The following PRDM1 variants were observed in gnomAD, a reference collection of about 807,000 sequenced individuals.
The protein encoded by PRDM1 is PR domain zinc finger protein 1.
Under a neutral mutation model 62.8 loss-of-function variants are expected in PRDM1, and 13 were observed. That is an observed-to-expected ratio of 0.21 (90% CI 0.13 to 0.33). The LOEUF is 0.33. PRDM1 is among the 10% of genes least tolerant of loss of function. PRDM1 has a pLI of 1.00. For synonymous variants in PRDM1, 396 were observed against 417.6 expected (o/e 0.95, Z 0.63); for missense variants, 895 against 1,058.8 (o/e 0.85, Z 2.15).
At chr6:106,092,446 C>T (rs1308692419) in intron 2 of PRDM1, among the ~76,000 whole-genome samples, 10 of 152,220 alleles carry the variant, frequency 6.6e-5, no homozygotes, top group South Asian at 6.2e-4. Context: ...AGGCACAGAG[C>T]GGCCTGTCCC....
In PRDM1 at chr6:106,086,445, G is replaced by A. The variant is rs1773807513; in HGVS notation, c.-109G>A. On this transcript the variant is annotated 5_prime_UTR_variant, in exon 1 of 7. Coordinates refer to ENST00000369096, the MANE Select transcript of PRDM1 (RefSeq NM_001198.4). ...GAGCTGGGACGCGGGCGCCCGGGCGGCCGGACGAAGCGAGGAGGGACCGCC... is the reference window on the plus strand; with the variant it reads ...GAGCTGGGACGCGGGCGCCCGGGCGACCGGACGAAGCGAGGAGGGACCGCC... 2.1e-5 allele frequency: 23 copies of A among 1,121,906 alleles called. 2 individuals are homozygous for A. In the South Asian group the frequency reaches 3.2e-4, roughly 16 times the overall value. 69.5% of individuals were successfully genotyped at this position (1,121,906 alleles called of 1,614,324 possible).
At position 106,105,826 on chromosome 6, in the gene PRDM1, A is replaced by C. The variant is rs781350114; in HGVS notation, c.1666A>C (p.Met556Leu). The change falls in exon 5 of 7, where the codon ATG becomes CTG. Residue 556 changes from methionine to leucine, a missense_variant. Met to Leu is a conservative substitution (Grantham distance 15, BLOSUM62 2). Coordinates refer to ENST00000369096, the MANE Select transcript of PRDM1 (RefSeq NM_001198.4). Reference protein sequence around the residue: ...AMNLIKNKRNMTGYKTLPYPL... With the variant: ...AMNLIKNKRNLTGYKTLPYPL... ...GAATCTCATTAAAAACAAAAGAAAC[A>C]TGACCGGCTACAAGACCCTTCCCTA... 6.2e-7 allele frequency: 1 copy of C among 1,614,146 alleles called. No homozygotes were observed. Among genetic ancestry groups the C allele is most frequent in the Non-Finnish European group, 8.5e-7 (1 of 1,180,026 alleles).
intron 1 of PRDM1, among the ~76,000 whole-genome samples, chr6:106,057,700 CAG>C (rs766479730): frequency 2.2e-4 from 33 of 152,100 alleles, no homozygotes; most frequent in Admixed American, 5.9e-4. Context: ...TTTGGAGTGA[CAG>C]AGGATTCCTA....
chr6:106,090,559 T>C (rs908170623), intron 2 of PRDM1, among the ~76,000 whole-genome samples: 3 of 152,230 alleles, frequency 2.0e-5, no homozygotes, highest in Non-Finnish European at 4.4e-5. Context: ...GACAGCTTCC[T>C]TTAGAAGGTG....
intron 1 of PRDM1, among the ~76,000 whole-genome samples, chr6:106,064,963 G>A (rs534805638): frequency 6.6e-6 from 1 of 152,274 alleles, no homozygotes; most frequent in Admixed American, 6.5e-5. Context: ...CTGGTCTTCA[G>A]TAGGACCTCT....
chr6:106,084,381 G>C (rs760413782), upstream of PRDM1, among the ~76,000 whole-genome samples: 1 of 152,186 alleles, frequency 6.6e-6, no homozygotes, highest in African/African-American at 2.4e-5. Context: ...CTGAAGGTGA[G>C]TGCAGGCTGA....
chr6:106,099,219 A>AC, intron 3 of PRDM1, 81 bp from the exon 4 acceptor site: 1 of 1,603,084 alleles, frequency 6.2e-7, no homozygotes, highest in East Asian at 2.2e-5. Context: ...CACACACGGT[A>AC]CCGGCTGTGT....
At chr6:106,003,839 C>A (rs1317477731) in intron 1 of PRDM1, among the ~76,000 whole-genome samples, 2 of 152,160 alleles carry the variant, frequency 1.3e-5, no homozygotes, top group Non-Finnish European at 2.9e-5. Flanking sequence ...GTACTCGGTT[C>A]TCAAGGCAGA....
chr6:106,012,763 C>T (rs980830825), intron 1 of PRDM1, among the ~76,000 whole-genome samples: 2 of 152,180 alleles, frequency 1.3e-5, no homozygotes, highest in Admixed American at 6.5e-5. Context: ...CTCTGAAGAG[C>T]GGAACCTGAG....
intron 1 of PRDM1, among the ~76,000 whole-genome samples, chr6:105,999,457 A>G (rs1008802508): frequency 6.6e-6 from 1 of 151,850 alleles, no homozygotes; most frequent in Admixed American, 6.6e-5. Flanking sequence ...CAAAAGTGAC[A>G]TGTTTTTTGC....
chr6:106,081,270 C>T (rs796773943), intron 1 of PRDM1, among the ~76,000 whole-genome samples: 20 of 152,282 alleles, frequency 1.3e-4, no homozygotes, highest in African/African-American at 4.6e-4. Flanking sequence ...CTCCAATAAG[C>T]GCAGCCCCCT....
intron 3 of PRDM1, chr6:106,095,962 A>AT (rs1389966878): frequency 2.2e-6 from 1 of 449,146 alleles, no homozygotes; most frequent in African/African-American, 1.9e-5. Flanking sequence ...GTGAATCTTG[A>AT]TTTTTGCAAT....
chr6:106,045,473 C>T (rs1773059939), upstream of PRDM1: 1 of 152,140 alleles, frequency 6.6e-6, no homozygotes, highest in Admixed American at 6.6e-5. Context: ...TTCAAAACAG[C>T]ATATTTTAAA....
chr6:106,000,995 C>T (rs984528985), intron 1 of PRDM1, among the ~76,000 whole-genome samples: 7 of 152,172 alleles, frequency 4.6e-5, no homozygotes, highest in African/African-American at 1.4e-4. Context: ...TACACCGATA[C>T]TATTATAGCT....
At chr6:106,021,410 T>C (rs1190447201) in intron 1 of PRDM1, among the ~76,000 whole-genome samples, 1 of 152,170 alleles carries the variant, frequency 6.6e-6, no homozygotes, top group African/African-American at 2.4e-5. Context: ...CTCCCTTTCA[T>C]TGAAATTTGC....
At chr6:106,071,595 C>T (rs1277219442) in intron 1 of PRDM1, among the ~76,000 whole-genome samples, 1 of 152,146 alleles carries the variant, frequency 6.6e-6, no homozygotes, top group Non-Finnish European at 1.5e-5. Flanking sequence ...ATTAGGGGCA[C>T]AATTTGTGTG....
Position 106,106,306 on chromosome 6 carries a change from G to C in PRDM1, c.1774-65G>C, listed in dbSNP as rs113852754. 1 of 1,588,216 alleles carries C rather than the reference G, an allele frequency of 6.3e-7. No individual in the cohort carries two copies. Among genetic ancestry groups the C allele is most frequent in the Non-Finnish European group, 8.6e-7 (1 of 1,162,940 alleles). ...TATTTGCATCAACACTTGAGTCTTG[G>C]AGCAGAAATGTTAGGTCTCAGAGCC... On this transcript the variant is annotated intron_variant, in intron 5 of 6. Coordinates refer to ENST00000369096, the MANE Select transcript of PRDM1 (RefSeq NM_001198.4). This position sits in a 1 kb window ranked among gnomAD's most constrained non-coding sequence, Gnocchi z 4.4.
chr6:106,101,942 C>G (rs903449656), intron 4 of PRDM1, among the ~76,000 whole-genome samples: 1 of 152,140 alleles, frequency 6.6e-6, no homozygotes, highest in Non-Finnish European at 1.5e-5. Flanking sequence ...AGTTTGAAAC[C>G]CCTACCCCTC....
At chr6:106,034,633 C>CT (rs1410539559) in intron 1 of PRDM1, among the ~76,000 whole-genome samples, 6 of 24,082 alleles carry the variant, frequency 2.5e-4, no homozygotes, top group African/African-American at 8.9e-4. Context: ...CATGTTCTCT[C>CT]TCTTTTTTTT....
Sources: gnomAD v4.1 joint callset for allele counts (sites outside exome capture counted in the v4.1 genomes callset) on GRCh38, gnomAD v4.1.1 for gene constraint, Gnocchi (gnomAD v3.1) non-coding constraint, MANE v1.5 for transcripts, NCBI Gene and HGNC (gene_info 2026-07-23, HGNC 2026-07-21) for gene names.